The following CFAP46 variants were observed in gnomAD, a reference collection of about 807,000 sequenced individuals.
The protein encoded by CFAP46 is cilia- and flagella-associated protein 46.
A neutral mutation model predicts 325.7 loss-of-function variants in CFAP46; 245 were observed. The ratio of observed to expected loss-of-function variants is 0.75; its 90% CI spans 0.68 to 0.84. The LOEUF is 0.84. Ranked by LOEUF, CFAP46 falls within the 40% of genes least tolerant of loss-of-function variation. The probability of loss-of-function intolerance (pLI) is 0.00; values close to 1 mark genes in which losing one functional copy is unlikely to be tolerated. For synonymous variants in CFAP46, 1,523 were observed against 1,495.9 expected, an observed-to-expected ratio of 1.02 and a Z score of -0.42; for missense variants, 3,346 against 3,543.0, an observed-to-expected ratio of 0.94 and a Z score of 1.41.
Position 132,836,172 on chromosome 10 carries a change from C to T in CFAP46, c.6583G>A (p.Ala2195Thr). The T allele has an allele frequency of 2.5e-6, 4 of 1,609,988 alleles. No homozygotes were observed. The highest frequency in any genetic ancestry group is 3.4e-6 in the Non-Finnish European group (4 of 1,179,324). The change falls in exon 46 of 58, where the codon GCA becomes ACA. Residue 2195 changes from alanine (A) to threonine (T), a missense_variant. Ala to Thr is a moderately conservative substitution (Grantham distance 58). Transcript: ENST00000368586. The part of the protein sequence containing the change: ...AAYEKPKFIT[A>T]AKGKVQAVGG... Reference sequence around the variant, plus strand: ...ACCGCCTGCACCTTTCCTTTGGCTGCAGTAATGAACTTGGGTTTCTCGTAG... The same window carrying T: ...ACCGCCTGCACCTTTCCTTTGGCTGTAGTAATGAACTTGGGTTTCTCGTAG...
chr10:132,839,410 T>C (rs1336210355), intron 44 of CFAP46, among the ~76,000 whole-genome samples: 1 of 152,214 alleles, frequency 6.6e-6, no homozygotes, highest in African/African-American at 2.4e-5. Context: ...TCGTGAACCC[T>C]CGGCCACAGA....
chr10:132,835,672 G>T (rs1458468259), intron 46 of CFAP46, among the ~76,000 whole-genome samples: 1 of 152,126 alleles, frequency 6.6e-6, no homozygotes, highest in African/African-American at 2.4e-5. Context: ...GTCTACACCT[G>T]TTTCCAGAAT....
chr10:132,924,333 G>C (rs894505701), intron 11 of CFAP46, among the ~76,000 whole-genome samples: 32 of 152,088 alleles, frequency 2.1e-4, no homozygotes, highest in African/African-American at 7.5e-4. Flanking sequence ...GCTCCTCCCT[G>C]ACGCTGGGCC....
At chr10:132,823,521 GTGTGTGC>G (rs1564767315) in intron 50 of CFAP46, among the ~76,000 whole-genome samples, 2 of 119,258 alleles carry the variant, frequency 1.7e-5, no homozygotes, top group Non-Finnish European at 1.8e-5. Flanking sequence ...GATGTGTGCT[GTGTGTGC>G]TGTGTGCGCT....
chr10:132,817,405 C>T lies in CFAP46; in HGVS notation c.7118-2491G>A, dbSNP rs922122469. On this transcript the variant is annotated intron_variant, in intron 50 of 57. Transcript: ENST00000368586. This position sits in a 1 kb window ranked among gnomAD's most constrained non-coding sequence, Gnocchi z 4.4. Reference sequence around the variant, plus strand: ...TGGCACCTCTTATCTCCTGTGTCTTCTCACTGGCAGGGTTGGCCAATTTTC... The same window carrying T: ...TGGCACCTCTTATCTCCTGTGTCTTTTCACTGGCAGGGTTGGCCAATTTTC... Among the ~76,000 whole-genome samples, 3 of 152,222 alleles carry T rather than the reference C, an allele frequency of 2.0e-5. No homozygotes were observed. The highest frequency in any genetic ancestry group is 6.5e-5 in the Admixed American group (1 of 15,290).
Position 132,833,488 on chromosome 10 carries a change from C to T in CFAP46, c.6987G>A (p.Leu2329=), listed in dbSNP as rs566266323. ...GCTCCAGGAGATGTCTGTCTGCGAC[C>T]AGGACTATCTTATCGGCAACCTCAG... ...VQPEVADKIV[L]VADRHLLELP... Residue 2329 remains leucine, a synonymous_variant, in exon 50 of 58, where the codon CTG becomes CTA. Transcript: ENST00000368586. The T allele has an allele frequency of 6.2e-7, 1 of 1,614,082 alleles. No individual in the cohort carries two copies. The highest frequency in any genetic ancestry group is 8.5e-7 in the Non-Finnish European group (1 of 1,179,992).
intron 56 of CFAP46, 137 bp downstream of exon 56, chr10:132,810,813 A>C: frequency 1.2e-6 from 1 of 827,830 alleles, no homozygotes; most frequent in Non-Finnish European, 2.0e-6. Flanking sequence ...AACTGCTGGA[A>C]CGCATGTGCA....
chr10:132,839,077 A>G (rs1213457552), intron 44 of CFAP46, among the ~76,000 whole-genome samples: 1 of 151,948 alleles, frequency 6.6e-6, no homozygotes. Flanking sequence ...CTGAAAAGGG[A>G]CCTACACCCT....
At position 132,869,446 on chromosome 10, in the gene CFAP46, C is replaced by T. The variant is rs943430927; in HGVS notation, c.4512-74G>A. ...AGCCAGAAACGAAGCTACTAGTGTG[C>T]TTCACAGAAAACGGTCAACTAACAC... On this transcript the variant is annotated intron_variant, in intron 32 of 57. Coordinates refer to ENST00000368586, the MANE Select transcript of CFAP46 (RefSeq NM_001200049.3). The surrounding 1 kb of genome is among the most constrained non-coding windows in gnomAD (Gnocchi z 6.2). 5.4e-6 allele frequency: 6 copies of T among 1,116,158 alleles called. No individual in the cohort carries two copies. In the African/African-American group the frequency reaches 8.0e-5, roughly 15 times the overall value. 69.1% of individuals were successfully genotyped at this position (1,116,158 alleles called of 1,614,324 possible).
Position 132,814,188 on chromosome 10 carries a change from C to A in CFAP46, c.7352G>T (p.Arg2451Leu). The A allele has an allele frequency of 6.2e-7, 1 of 1,613,900 alleles. No homozygotes were observed. The highest frequency in any genetic ancestry group is 8.5e-7 in the Non-Finnish European group (1 of 1,179,996). The change falls in exon 54 of 58, where the codon CGA becomes CTA. Residue 2451 changes from arginine (R) to leucine (L), a missense_variant. Arg to Leu is a moderately radical substitution (Grantham distance 102). Coordinates refer to ENST00000368586, the MANE Select transcript of CFAP46 (RefSeq NM_001200049.3). Reference sequence around the variant, plus strand: ...CTTGCTTCCCAGATGTCCCGCCCATCGCGACGTGAATGTGTCTTGGAATCT... The same window carrying A: ...CTTGCTTCCCAGATGTCCCGCCCATAGCGACGTGAATGTGTCTTGGAATCT... ...LERFQDTFTS[R>L]WAGHLGSKHF...
intron 17 of CFAP46, among the ~76,000 whole-genome samples, chr10:132,913,720 A>T (rs925958058): frequency 1.3e-5 from 2 of 151,854 alleles, no homozygotes; most frequent in African/African-American, 2.4e-5. Context: ...CGCTAAAGAG[A>T]GTGTGGACTC....
chr10:132,909,656 C>T (rs1478410464), intron 20 of CFAP46, among the ~76,000 whole-genome samples: 2 of 152,228 alleles, frequency 1.3e-5, no homozygotes, highest in Non-Finnish European at 2.9e-5. Context: ...CGGCCCTGGG[C>T]CCACTCCTCC....
Position 132,919,016 on chromosome 10 carries a change from C to G in CFAP46, c.1858+299G>C, listed in dbSNP as rs1472784878. ...GGCCACTGCCCTCTGCCTGCAGGTG[C>G]CCCGCATGGGCATCTGCTCACTGGC... On this transcript the variant is annotated intron_variant, in intron 15 of 57. Coordinates refer to ENST00000368586, the MANE Select transcript of CFAP46 (RefSeq NM_001200049.3). The surrounding 1 kb of genome is among the most constrained non-coding windows in gnomAD (Gnocchi z 9.7). 1.3e-5 allele frequency among the ~76,000 whole-genome samples: 2 copies of G among 152,208 alleles called. No individual in the cohort carries two copies. Among genetic ancestry groups the G allele is most frequent in the Non-Finnish European group, 2.9e-5 (2 of 68,034 alleles).
chr10:132,924,878 C>G lies in CFAP46; in HGVS notation c.1074G>C (p.Leu358=), dbSNP rs745984138. 6.8e-5 allele frequency: 94 copies of G among 1,385,220 alleles called. No homozygotes were observed. The highest frequency in any genetic ancestry group is 6.8e-5 in the Non-Finnish European group (72 of 1,062,660). The allele number at this position is 1,385,220 out of a possible 1,614,324, so 85.8% of individuals were successfully genotyped here. A position where few individuals can be genotyped will look rare whatever the true frequency, so the allele number is the denominator to read the frequency against. The part of the protein sequence containing the change: ...VYNRAAVEAQ[L]DIIQRLDVAL... ...CGACGTCTAGCCTCTGTATGATATCCAGCTGGGCCTGCGGAGAAGACGTGG... is the reference window on the plus strand; with the variant it reads ...CGACGTCTAGCCTCTGTATGATATCGAGCTGGGCCTGCGGAGAAGACGTGG... The change falls in exon 11 of 58, where the codon CTG becomes CTC. Residue 358 remains leucine (L), a synonymous_variant. Coordinates refer to ENST00000368586, the MANE Select transcript of CFAP46 (RefSeq NM_001200049.3).
intron 7 of CFAP46, among the ~76,000 whole-genome samples, chr10:132,935,436 AG>A (rs1254057571): frequency 7.8e-6 from 1 of 128,556 alleles, no homozygotes; most frequent in Non-Finnish European, 1.6e-5. Flanking sequence ...CATTCCCCTC[AG>A]CACCCAAACA....
intron 9 of CFAP46, among the ~76,000 whole-genome samples, chr10:132,927,814 A>G (rs1849835048): frequency 6.6e-6 from 1 of 152,268 alleles, no homozygotes. Flanking sequence ...TATCCTTAAC[A>G]TTAGTGAGCT....
Position 132,942,570 on chromosome 10 carries a change from G to A in CFAP46, c.-86C>T. The A allele has an allele frequency of 8.7e-7, 1 of 1,149,488 alleles. No individual in the cohort carries two copies. Among genetic ancestry groups the A allele is most frequent in the East Asian group, 3.2e-5 (1 of 31,294 alleles). 71.2% of individuals were successfully genotyped at this position (1,149,488 alleles called of 1,614,324 possible). A position where few individuals can be genotyped will look rare whatever the true frequency, so the allele number is the denominator to read the frequency against. ...GTCGGTTGGGTTCTCCAGCCGCGAG[G>A]ACCCGGCCACGGTTGCCTGGAGACC... On this transcript the variant is annotated 5_prime_UTR_variant, in exon 1 of 58. Coordinates refer to ENST00000368586, the MANE Select transcript of CFAP46 (RefSeq NM_001200049.3).
At position 132,884,309 on chromosome 10, in the gene CFAP46, G is replaced by A. The variant is rs1017686600; in HGVS notation, c.3627+794C>T. On this transcript the variant is annotated intron_variant, in intron 27 of 57. Transcript: ENST00000368586. The surrounding 1 kb of genome is among the most constrained non-coding windows in gnomAD (Gnocchi z 5.4). ...CTGCCTTGATCACCCAGTGCCCTGA[G>A]CCGGCACTCACACAGCACCGTCAGA... Among the ~76,000 whole-genome samples, 6 of 152,190 alleles carry A rather than the reference G, an allele frequency of 3.9e-5. No individual in the cohort carries two copies. Among genetic ancestry groups the A allele is most frequent in the Non-Finnish European group, 7.3e-5 (5 of 68,028 alleles).
intron 44 of CFAP46, among the ~76,000 whole-genome samples, chr10:132,838,640 C>T (rs749825954): frequency 2.0e-5 from 3 of 152,278 alleles, no homozygotes; most frequent in Admixed American, 1.3e-4. Context: ...CGTCTTCATC[C>T]GTTCTGTGGC....
Sources: allele counts gnomAD v4.1 joint callset (sites outside exome capture counted in the v4.1 genomes callset), GRCh38; gene constraint gnomAD v4.1.1; non-coding constraint Gnocchi (gnomAD v3.1); transcripts MANE v1.5; gene names NCBI Gene and HGNC (gene_info 2026-07-23, HGNC 2026-07-21).